Variants in HDAC4 observed in about 807,000 individuals in gnomAD.
The protein encoded by HDAC4 is histone deacetylase A.
In HDAC4, 16 loss-of-function variants were observed where a neutral mutation model predicts 135.1. That is an observed-to-expected ratio of 0.12 (90% CI 0.08 to 0.18). HDAC4 has a LOEUF of 0.18. Among genes scored for constraint, HDAC4 ranks in the 10% least tolerant of loss-of-function variants. HDAC4 has a pLI of 1.00. For synonymous variants in HDAC4, 685 were observed against 653.4 expected, an observed-to-expected ratio of 1.05 and a Z score of -0.74; for missense variants, 1,143 against 1,511.8, an observed-to-expected ratio of 0.76 and a Z score of 4.05.
rs1359001112 is a variant in HDAC4 at position 239,052,160 on chromosome 2, C to A, written c.*937G>T. 6.6e-6 allele frequency: 1 copy of A among 152,406 alleles called. No individual in the cohort carries two copies. Among genetic ancestry groups the A allele is most frequent in the African/African-American group, 2.4e-5 (1 of 41,422 alleles). 9.4% of individuals were successfully genotyped at this position (152,406 alleles called of 1,614,324 possible). ...ACTTCAAAACCTCCAACGGGATTTG[C>A]CACTTTTTTGGAACTACCTCCATTT... On this transcript the variant is annotated 3_prime_UTR_variant, in exon 27 of 27. Coordinates refer to ENST00000543185, the MANE Select transcript of HDAC4 (RefSeq NM_001378414.1).
At chr2:239,194,949 C>T (rs3791572) in intron 3 of HDAC4, among the ~76,000 whole-genome samples, 2,732 of 152,272 alleles carry the variant, frequency 0.018, 67 homozygotes, top group East Asian at 0.12. Context: ...GTCTCCAGCT[C>T]GGTGCGCGTC....
chr2:239,292,050 C>T (rs946926268), intron 2 of HDAC4, among the ~76,000 whole-genome samples: 1 of 151,470 alleles, frequency 6.6e-6, no homozygotes, highest in Non-Finnish European at 1.5e-5. Flanking sequence ...CTCAGCCCAG[C>T]TCAGGGCGGC....
At chr2:239,117,556 G>A (rs1430000267) in intron 12 of HDAC4, among the ~76,000 whole-genome samples, 5 of 119,804 alleles carry the variant, frequency 4.2e-5, no homozygotes, top group Non-Finnish European at 8.4e-5. Flanking sequence ...AGAGGGATGC[G>A]GGAAGTGGCA....
rs187694077 is a variant in HDAC4 at position 239,325,412 on chromosome 2, G to A, written c.22+27266C>T. Among the ~76,000 whole-genome samples the A allele has an allele frequency of 3.9e-4, 59 of 152,230 alleles. 1 individual carries two copies. Among genetic ancestry groups the A allele is most frequent in the Non-Finnish European group, 2.2e-4 (15 of 68,020 alleles). ...CCCAATTCAAATATGGGCAAAAGAC[G>A]TGAAGAGACATTTATCCAAAGAAAA... is the stretch of plus-strand genomic sequence containing the variant. On this transcript the variant is annotated intron_variant, in intron 2 of 26. Coordinates refer to ENST00000543185, the MANE Select transcript of HDAC4 (RefSeq NM_001378414.1).
chr2:239,131,108 T>C (rs1160012312), intron 11 of HDAC4, among the ~76,000 whole-genome samples: 1 of 152,158 alleles, frequency 6.6e-6, no homozygotes, highest in Non-Finnish European at 1.5e-5. Flanking sequence ...GAGCAGCACA[T>C]GAACAGGGAC....
chr2:239,111,600 G>A lies in HDAC4; in HGVS notation c.1904C>T (p.Ala635Val), dbSNP rs2152799388. 4 of 1,611,428 alleles carry A rather than the reference G, an allele frequency of 2.5e-6. No homozygotes were observed. Among genetic ancestry groups the A allele is most frequent in the Non-Finnish European group, 3.4e-6 (4 of 1,179,398 alleles). The change falls in exon 14 of 27, where the codon GCG becomes GTG. Residue 635 changes from alanine to valine, a missense_variant. Ala to Val is a moderately conservative substitution (Grantham distance 64). Coordinates refer to ENST00000543185, the MANE Select transcript of HDAC4 (RefSeq NM_001378414.1). ...SFGGHRPLSR[A>V]QSSPASATFP... The stretch of plus-strand genomic sequence containing the variant: ...GGTGGCAGACGCGGGTGAGGACTGC[G>A]CCCGGGACAGAGGCCTGTGGCCGCC...
At chr2:239,328,590 G>A (rs2053535921) in intron 2 of HDAC4, among the ~76,000 whole-genome samples, 1 of 152,210 alleles carries the variant, frequency 6.6e-6, no homozygotes, top group Non-Finnish European at 1.5e-5. Flanking sequence ...CCATGAGAGT[G>A]GGGAGCTGGT....
intron 3 of HDAC4, among the ~76,000 whole-genome samples, chr2:239,190,397 C>T (rs1334137471): frequency 6.6e-6 from 1 of 152,228 alleles, no homozygotes; most frequent in African/African-American, 2.4e-5. Context: ...CCGCTACAGG[C>T]CCAGAGGCCT....
At chr2:239,227,667 G>C (rs1377228973) in intron 3 of HDAC4, among the ~76,000 whole-genome samples, 1 of 152,236 alleles carries the variant, frequency 6.6e-6, no homozygotes, top group African/African-American at 2.4e-5. Flanking sequence ...CAGCCCTGGA[G>C]TTCCAGGACA....
chr2:239,077,590 T>C (rs2034893400), intron 22 of HDAC4, among the ~76,000 whole-genome samples: 2 of 152,240 alleles, frequency 1.3e-5, no homozygotes, highest in South Asian at 4.1e-4. Context: ...GATAAATTTC[T>C]ACATAGGAAA....
intron 2 of HDAC4, among the ~76,000 whole-genome samples, chr2:239,289,942 C>T (rs867483060): frequency 3.9e-5 from 6 of 152,174 alleles, no homozygotes; most frequent in Admixed American, 2.0e-4. Context: ...AAAACAGCAT[C>T]GTGATCTTTA....
intron 5 of HDAC4, among the ~76,000 whole-genome samples, chr2:239,166,648 A>C (rs1307639562): frequency 1.3e-5 from 2 of 152,258 alleles, no homozygotes; most frequent in African/African-American, 4.8e-5. Flanking sequence ...CAGGCATGTG[A>C]GCACTGGCAT....
At chr2:239,362,345 G>A (rs766941325) in intron 1 of HDAC4, among the ~76,000 whole-genome samples, 17 of 152,192 alleles carry the variant, frequency 1.1e-4, no homozygotes, top group Non-Finnish European at 2.4e-4. Flanking sequence ...GGTTACCTAT[G>A]GTTCCTCCTC....
chr2:239,122,647 T>C (rs1214261377), intron 12 of HDAC4, among the ~76,000 whole-genome samples: 1 of 152,190 alleles, frequency 6.6e-6, no homozygotes, highest in Non-Finnish European at 1.5e-5. Context: ...GTCCACCTGG[T>C]GGAGTTTTCT....
intron 22 of HDAC4, among the ~76,000 whole-genome samples, chr2:239,076,035 G>T (rs2034721594): frequency 6.7e-6 from 1 of 149,196 alleles, no homozygotes; most frequent in Non-Finnish European, 1.5e-5. Flanking sequence ...ACTCTCCTTG[G>T]CTTCCTGGGA....
At chr2:239,119,166 C>T (rs1181690132) in intron 12 of HDAC4, among the ~76,000 whole-genome samples, 1 of 152,230 alleles carries the variant, frequency 6.6e-6, no homozygotes, top group Non-Finnish European at 1.5e-5. Context: ...ATGTGACTGA[C>T]TGAGTGGTGT....
intron 19 of HDAC4, among the ~76,000 whole-genome samples, chr2:239,086,677 C>T (rs537394164): frequency 2.0e-5 from 3 of 152,366 alleles, no homozygotes. Context: ...CCCTGCGGTT[C>T]TGTCTTGTTC....
At chr2:239,065,582 T>C (rs1406362157) in intron 24 of HDAC4, among the ~76,000 whole-genome samples, 1 of 152,156 alleles carries the variant, frequency 6.6e-6, no homozygotes, top group Non-Finnish European at 1.5e-5. Context: ...AAGTGCCCTG[T>C]CACCCCGACT....
intron 2 of HDAC4, among the ~76,000 whole-genome samples, chr2:239,290,664 C>T (rs1340058407): frequency 6.6e-6 from 1 of 152,096 alleles, no homozygotes; most frequent in African/African-American, 2.4e-5. Context: ...CATGCGCGCA[C>T]GCATGCATTC....
Sources: gnomAD v4.1 joint callset for allele counts (sites outside exome capture counted in the v4.1 genomes callset) on GRCh38, gnomAD v4.1.1 for gene constraint, MANE v1.5 for transcripts, NCBI Gene and HGNC (gene_info 2026-07-23, HGNC 2026-07-21) for gene names.